The following SYNE1 variants were observed in gnomAD, a reference collection of about 807,000 sequenced individuals.
SYNE1 encodes the protein spectrin repeat containing nuclear envelope protein 1.
A neutral mutation model predicts 1,111.0 loss-of-function variants in SYNE1; 616 were observed. That is an observed-to-expected ratio of 0.55 (90% CI 0.52 to 0.59). The LOEUF (loss-of-function observed/expected upper bound fraction) is 0.59. SYNE1 is among the 20% of genes least tolerant of loss of function. The pLI, the probability that SYNE1 is intolerant of heterozygous loss-of-function variation, is 0.00. For missense variants in SYNE1, 10,006 were observed against 10,417.0 expected, an observed-to-expected ratio of 0.96 and a Z score of 1.72; for synonymous variants, 3,855 against 3,825.8, an observed-to-expected ratio of 1.01 and a Z score of -0.28.
intron 3 of SYNE1, among the ~76,000 whole-genome samples, chr6:152,584,706 T>C (rs531448156): frequency 2.6e-5 from 4 of 152,240 alleles, no homozygotes; most frequent in Non-Finnish European, 5.9e-5. Context: ...CCCGGCCTTA[T>C]ACTTTTCATA....
At chr6:152,401,070 T>C (rs1025628423) in intron 47 of SYNE1, 68 bp downstream of exon 47, 1 of 1,496,546 alleles carries the variant, frequency 6.7e-7, no homozygotes, top group Non-Finnish European at 9.3e-7. Context: ...TTTTTTATTA[T>C]AGTCACCACA....
rs1041717743 is a variant in SYNE1, at chr6:152,148,714, T to G, written c.24643-336A>C. Among the ~76,000 whole-genome samples the G allele has an allele frequency of 6.6e-6, 1 of 151,824 alleles. No homozygotes were observed. The highest frequency in any genetic ancestry group is 1.5e-5 in the Non-Finnish European group (1 of 67,990). On this transcript the variant is annotated intron_variant, in intron 136 of 145. Transcript: ENST00000367255. The surrounding 1 kb of genome is among the most constrained non-coding windows in gnomAD (Gnocchi z 4.1). ...GAAAAAATTAAAAAGTCTTATAAAT[T>G]ATCCTACATAAGCCTCAGTTTCATT...
At chr6:152,636,177 G>A (rs904098371) in intron 2 of SYNE1, among the ~76,000 whole-genome samples, 1 of 152,056 alleles carries the variant, frequency 6.6e-6, no homozygotes, top group African/African-American at 2.4e-5. Flanking sequence ...CAGGGCCTCC[G>A]CGCAGCCTTC....
intron 98 of SYNE1, among the ~76,000 whole-genome samples, chr6:152,272,167 CAT>C (rs1203081249): frequency 6.6e-6 from 1 of 152,232 alleles, no homozygotes; most frequent in Non-Finnish European, 1.5e-5. Context: ...CATTGTGAAA[CAT>C]AAGACTTGGA....
rs896990035 is a variant in SYNE1, at chr6:152,526,755, T to G, written c.130-580A>C. Among the ~76,000 whole-genome samples, 11 of 152,316 alleles carry G rather than the reference T, an allele frequency of 7.2e-5. No homozygotes were observed. The East Asian group carries it at 1.9e-3, about 27-fold the overall frequency. ...TGTTATGTTGTGTTCTACAGCCTGG[T>G]GAATCTAGCGAACCTTCTTTCAGTG... On this transcript the variant is annotated intron_variant, in intron 4 of 145. Transcript: ENST00000367255.
rs139150802 is a variant in SYNE1 at position 152,350,364 on chromosome 6, A to T, written c.11734-29T>A. On this transcript the variant is annotated intron_variant, in intron 71 of 145. Coordinates refer to ENST00000367255, the MANE Select transcript of SYNE1 (RefSeq NM_182961.4). ...CAAAACCAGGTGTCCATCAGAGATGACTTTCAAGTGAAAAACCTACTCAAA... is the reference window on the plus strand; with the variant it reads ...CAAAACCAGGTGTCCATCAGAGATGTCTTTCAAGTGAAAAACCTACTCAAA... The T allele has an allele frequency of 3.5e-3, 5,584 of 1,614,034 alleles. 14 individuals are homozygous for T. The highest frequency in any genetic ancestry group is 5.9e-3 in the Middle Eastern group (36 of 6,062).
rs17082180 is a variant in SYNE1, at chr6:152,136,958, G to A, written c.25459-140C>T. 111,296 of 824,566 alleles carry A rather than the reference G, an allele frequency of 0.13. 8,112 individuals carry two copies. Among genetic ancestry groups the A allele is most frequent in the African/African-American group, 0.15 (8,620 of 59,368 alleles). The allele number at this position is 824,566 out of a possible 1,614,324, so 51.1% of individuals were successfully genotyped here. ...TGGCTAGGTAAAAGACAGAGGGTGCGTACCACTGAGAACTGTATGGCAGTT... is the reference window on the plus strand; with the variant it reads ...TGGCTAGGTAAAAGACAGAGGGTGCATACCACTGAGAACTGTATGGCAGTT... On this transcript the variant is annotated intron_variant, in intron 140 of 145. Transcript: ENST00000367255.
chr6:152,233,689 A>T, intron 112 of SYNE1, 92 bp downstream of exon 112: 1 of 1,473,152 alleles, frequency 6.8e-7, no homozygotes, highest in Non-Finnish European at 9.4e-7. Context: ...GACAAAGCTG[A>T]TATAAATTTG....
intron 98 of SYNE1, among the ~76,000 whole-genome samples, chr6:152,271,028 G>A (rs1057360382): frequency 4.6e-5 from 7 of 152,142 alleles, no homozygotes; most frequent in African/African-American, 1.2e-4. Flanking sequence ...TTGCTTCCAC[G>A]GAGGAGCCTC....
At chr6:152,196,803 A>T (rs990174551) in intron 127 of SYNE1, among the ~76,000 whole-genome samples, 2 of 151,586 alleles carry the variant, frequency 1.3e-5, no homozygotes, top group African/African-American at 4.9e-5. Flanking sequence ...CGGGTCATGT[A>T]CCCCCAAGTC....
In SYNE1 at chr6:152,505,273, G is replaced by A. The variant is rs2154331501; in HGVS notation, c.706C>T (p.Arg236Ter). ...GTGAAAGCATCCTCCAAATTTTCTC[G>A]GTTGGATCTGCCTTTCACTGTCTCC... ...DLETVKGRSN[R>*]ENLEDAFTIA... The change falls in exon 9 of 146, where the codon CGA (arginine) becomes TGA (stop). Residue 236 changes from arginine (R) to a stop codon, truncating the protein, a stop_gained. Transcript: ENST00000367255. LOFTEE classifies it high-confidence loss of function. 2 of 1,613,986 alleles carry A rather than the reference G, an allele frequency of 1.2e-6. No individual in the cohort carries two copies. Among genetic ancestry groups the A allele is most frequent in the Non-Finnish European group, 1.7e-6 (2 of 1,179,992 alleles).
At position 152,425,421 on chromosome 6, in the gene SYNE1, C is replaced by G. The variant is rs765409884; in HGVS notation, c.5227G>C (p.Asp1743His). Residue 1743 changes from aspartate to histidine, a missense_variant, in exon 39 of 146, where the codon GAT becomes CAT. Around this residue, in one of 7 missense-constraint regions of SYNE1, gnomAD observed 1,971 missense variants for 2,084.1 expected, o/e 0.95. Transcript: ENST00000367255. ...KMMKLHLEQLDERWRDLPQII... is the reference protein window; with the variant it reads ...KMMKLHLEQLHERWRDLPQII... ...TGTGGTAAATCTCTCCATCTCTCAT[C>G]CAACTGCTCCAAATGTAGTTTCATC... 1.9e-6 allele frequency: 3 copies of G among 1,614,066 alleles called. No individual in the cohort carries two copies. Among genetic ancestry groups the G allele is most frequent in the Non-Finnish European group, 2.5e-6 (3 of 1,180,026 alleles).
At position 152,330,289 on chromosome 6, in the gene SYNE1, T is replaced by A; in HGVS notation, c.14396A>T (p.Glu4799Val). The A allele has an allele frequency of 6.2e-7, 1 of 1,614,198 alleles. No individual in the cohort carries two copies. Among genetic ancestry groups the A allele is most frequent in the Non-Finnish European group, 8.5e-7 (1 of 1,180,034 alleles). ...TTCCTCATTCACTTTGGACTGCTCC[T>A]CTTTTACAGACTTCAGTTGTCTCTC... ...QLERQLKSVK[E>V]EQSKVNEETL... Residue 4799 changes from glutamate (E) to valine (V), a missense_variant, in exon 78 of 146, where the codon GAG (glutamate) becomes GTG (valine). Physicochemically the swap from Glu to Val is moderately radical, Grantham distance 121. Around this residue, in one of 7 missense-constraint regions of SYNE1, gnomAD observed 4,955 missense variants for 5,017.2 expected, o/e 0.99. Transcript: ENST00000367255.
intron 124 of SYNE1, among the ~76,000 whole-genome samples, chr6:152,210,703 T>C (rs1203808769): frequency 3.3e-5 from 5 of 152,180 alleles, no homozygotes; most frequent in Non-Finnish European, 7.3e-5. Flanking sequence ...ATAGAACACA[T>C]GAGGCTAATA....
At position 152,221,544 on chromosome 6, in the gene SYNE1, G is replaced by C. The variant is rs775184314; in HGVS notation, c.21538C>G (p.Leu7180Val). 1.7e-5 allele frequency: 27 copies of C among 1,613,684 alleles called. No homozygotes were observed. The highest frequency in any genetic ancestry group is 2.2e-5 in the Non-Finnish European group (26 of 1,179,888). The change falls in exon 118 of 146, where the codon CTG becomes GTG. Residue 7180 changes from leucine (L) to valine (V), a missense_variant. By Grantham distance (32) the Leu-to-Val change is conservative (BLOSUM62 1). Around this residue, in one of 7 missense-constraint regions of SYNE1, gnomAD observed 2,182 missense variants for 2,287.8 expected, o/e 0.95. Transcript: ENST00000367255. Reference sequence around the variant, plus strand: ...TGTAAGCTCCTTTCCTGTTTTTCCAGATCATCTTGGAGATTCTGCCCCAAA... The same window carrying C: ...TGTAAGCTCCTTTCCTGTTTTTCCACATCATCTTGGAGATTCTGCCCCAAA... ...VDNLQNLQDD[L>V]EKQERSLQKF...
intron 131 of SYNE1, among the ~76,000 whole-genome samples, chr6:152,159,033 C>T (rs1281935834): frequency 2.0e-5 from 3 of 152,142 alleles, no homozygotes; most frequent in Non-Finnish European, 4.4e-5. Flanking sequence ...CTCACTGCAA[C>T]CTCCGCCTCC....
At position 152,380,999 on chromosome 6, in the gene SYNE1, A is replaced by G. The variant is rs2097404277; in HGVS notation, c.9009+7T>C. The G allele has an allele frequency of 6.2e-7, 1 of 1,613,654 alleles. No homozygotes were observed. The highest frequency in any genetic ancestry group is 2.2e-5 in the East Asian group (1 of 44,882). On this transcript the variant is annotated splice_region_variant and intron_variant, in intron 56 of 145. Coordinates refer to ENST00000367255, the MANE Select transcript of SYNE1 (RefSeq NM_182961.4). The stretch of plus-strand genomic sequence containing the variant: ...AACCACCAATAGAAAACAGGAAGCC[A>G]ACTTACTTGTCCTTTGTGCCAGCAT...
chr6:152,387,425 A>T, intron 53 of SYNE1, 44 bp from the exon 54 acceptor site: 1 of 1,591,224 alleles, frequency 6.3e-7, no homozygotes, highest in Non-Finnish European at 8.6e-7. Context: ...TTATTTTGAC[A>T]TCTCTACTGA....
intron 3 of SYNE1, among the ~76,000 whole-genome samples, chr6:152,581,089 T>A (rs2128418985): frequency 6.6e-6 from 1 of 152,348 alleles, no homozygotes; most frequent in Middle Eastern, 3.4e-3. Flanking sequence ...GAACAATACA[T>A]CTTCCAGAGA....
Sources: gnomAD v4.1 joint callset for allele counts (sites outside exome capture counted in the v4.1 genomes callset) on GRCh38, gnomAD v4.1.1 for gene constraint, gnomAD v4.1.1 regional missense constraint, Gnocchi (gnomAD v3.1) non-coding constraint, MANE v1.5 for transcripts, NCBI Gene and HGNC (gene_info 2026-07-23, HGNC 2026-07-21) for gene names.